The following PDZD2 variants were observed in gnomAD, a reference collection of about 807,000 sequenced individuals.
PDZD2 encodes the protein PDZ domain containing 2.
Under a neutral mutation model 220.7 loss-of-function variants are expected in PDZD2, and 90 were observed. The observed-to-expected ratio is 0.41, with a 90% CI of 0.34 to 0.49. The LOEUF (loss-of-function observed/expected upper bound fraction) is 0.49. PDZD2 is among the 20% of genes least tolerant of loss of function. The pLI, the probability that PDZD2 is intolerant of heterozygous loss-of-function variation, is 0.28. For missense variants in PDZD2, 3,174 were observed against 3,608.5 expected (o/e 0.88, Z 3.08); for synonymous variants, 1,375 against 1,450.5 (o/e 0.95, Z 1.18).
chr5:31,650,108 G>C (rs1745294879), intron 1 of PDZD2, among the ~76,000 whole-genome samples: 1 of 152,010 alleles, frequency 6.6e-6, no homozygotes, highest in Non-Finnish European at 1.5e-5. Flanking sequence ...TCTTCCCTCT[G>C]TTAATAATCT....
intron 2 of PDZD2, among the ~76,000 whole-genome samples, chr5:31,889,691 G>A (rs1003072551): frequency 1.3e-5 from 2 of 152,096 alleles, no homozygotes; most frequent in Admixed American, 6.6e-5. Flanking sequence ...GCCTTACTGT[G>A]TCCGAGTAAG....
At chr5:31,813,450 A>AG (rs2150246044) in intron 2 of PDZD2, among the ~76,000 whole-genome samples, 1 of 14,142 alleles carries the variant, frequency 7.1e-5, no homozygotes. Context: ...ACTCCGTCTC[A>AG]AAAAAAAAAA....
chr5:32,045,208 G>A (rs113694245), intron 7 of PDZD2, among the ~76,000 whole-genome samples: 105 of 152,280 alleles, frequency 6.9e-4, no homozygotes, highest in African/African-American at 2.4e-3. Flanking sequence ...AATTATTAAA[G>A]AGCTCCTGTA....
intron 2 of PDZD2, chr5:31,843,202 C>T (rs10472787): frequency 0.14 from 21,869 of 151,918 alleles, 1,878 homozygotes; most frequent in African/African-American, 0.25. Flanking sequence ...TTTTTAATGA[C>T]ATTCTTCATG....
At chr5:31,939,043 G>C (rs1746000291) in intron 2 of PDZD2, among the ~76,000 whole-genome samples, 1 of 152,208 alleles carries the variant, frequency 6.6e-6, no homozygotes, top group East Asian at 1.9e-4. Context: ...GATGTTGTCA[G>C]TAGAGAAGAA....
chr5:32,028,662 A>AAT (rs1554028483), intron 6 of PDZD2, among the ~76,000 whole-genome samples: 19 of 66,916 alleles, frequency 2.8e-4, no homozygotes, highest in Non-Finnish European at 2.1e-4. Flanking sequence ...TGCTCCTTCT[A>AAT]TTTTTTTTTT....
chr5:32,018,784 G>A lies in PDZD2; in HGVS notation c.1407+8302G>A, dbSNP rs189314536. ...AGCAACACTTCAGCTGGCACAGGACGTATAAAAGGTTGCTTGAAACTCAAT... is the reference window on the plus strand; with the variant it reads ...AGCAACACTTCAGCTGGCACAGGACATATAAAAGGTTGCTTGAAACTCAAT... On this transcript the variant is annotated intron_variant, in intron 6 of 24. Coordinates refer to ENST00000438447, the MANE Select transcript of PDZD2 (RefSeq NM_178140.4). 1.5e-3 allele frequency among the ~76,000 whole-genome samples: 224 copies of A among 152,344 alleles called. 1 individual carries two copies. Among genetic ancestry groups the A allele is most frequent in the African/African-American group, 5.2e-3 (216 of 41,586 alleles).
At chr5:31,750,917 G>A (rs1750922314) in intron 1 of PDZD2, among the ~76,000 whole-genome samples, 1 of 152,126 alleles carries the variant, frequency 6.6e-6, no homozygotes, top group African/African-American at 2.4e-5. Flanking sequence ...TTCATGCTAG[G>A]TATGAAGGGA....
intron 2 of PDZD2, among the ~76,000 whole-genome samples, chr5:31,920,834 C>T (rs959623715): frequency 5.9e-5 from 9 of 152,132 alleles, no homozygotes; most frequent in African/African-American, 9.7e-5. Context: ...ATAATTTTGC[C>T]GTTTCCAGAA....
intron 24 of PDZD2, among the ~76,000 whole-genome samples, chr5:32,107,092 C>T (rs960832144): frequency 2.6e-5 from 4 of 152,134 alleles, no homozygotes; most frequent in African/African-American, 7.2e-5. Flanking sequence ...ATTTTTTTCA[C>T]ACTTGGGACT....
chr5:32,071,244 C>G (rs990131734), intron 15 of PDZD2, 140 bp from the exon 16 acceptor site: 2 of 734,794 alleles, frequency 2.7e-6, no homozygotes, highest in Non-Finnish European at 5.0e-6. Flanking sequence ...GCACGTCTAA[C>G]CCTGTGCATG....
intron 3 of PDZD2, among the ~76,000 whole-genome samples, chr5:31,990,123 C>A (rs1051675783): frequency 6.6e-6 from 1 of 152,190 alleles, no homozygotes; most frequent in Non-Finnish European, 1.5e-5. Context: ...TTGCAACTAG[C>A]GCCGGAGTAT....
At chr5:31,720,442 T>C (rs1687458586) in intron 1 of PDZD2, among the ~76,000 whole-genome samples, 1 of 152,202 alleles carries the variant, frequency 6.6e-6, no homozygotes, top group African/African-American at 2.4e-5. Context: ...CATGATGATA[T>C]AGGGAAACTT....
At chr5:32,056,633 G>A (rs1561466232) in intron 10 of PDZD2, among the ~76,000 whole-genome samples, 3 of 152,238 alleles carry the variant, frequency 2.0e-5, no homozygotes, top group East Asian at 1.9e-4. Context: ...TGACTGTGCC[G>A]CCTTAGAGTT....
chr5:32,108,033 A>C lies in PDZD2; in HGVS notation c.8418A>C (p.Lys2806Asn). ...ATGAAATTCTTGCTATTAATGGGAA[A>C]CCTCTGGTTGGGCTCATGCACTTTG... ...AGDEILAINGKPLVGLMHFDA... is the reference protein window; with the variant it reads ...AGDEILAINGNPLVGLMHFDA... The change falls in exon 25 of 25, where the codon AAA (lysine) becomes AAC (asparagine). Residue 2806 changes from lysine to asparagine, a missense_variant. Lys to Asn is a moderately conservative substitution (Grantham distance 94, BLOSUM62 0). Around this residue, in one of 4 missense-constraint regions of PDZD2, gnomAD observed 631 missense variants for 789.9 expected, o/e 0.80. Transcript: ENST00000438447. 3 of 1,612,448 alleles carry C rather than the reference A, an allele frequency of 1.9e-6. No individual in the cohort carries two copies. The highest frequency in any genetic ancestry group is 2.5e-6 in the Non-Finnish European group (3 of 1,178,580).
At chr5:31,940,700 G>T (rs146183348) in intron 2 of PDZD2, among the ~76,000 whole-genome samples, 1 of 152,296 alleles carries the variant, frequency 6.6e-6, no homozygotes, top group African/African-American at 2.4e-5. Context: ...CAAATTAGAA[G>T]ATGGAAACCA....
chr5:31,769,207 T>C (rs11739450), intron 1 of PDZD2, among the ~76,000 whole-genome samples: 47,409 of 152,082 alleles, frequency 0.31, 8,368 homozygotes, highest in Non-Finnish European at 0.4. Flanking sequence ...ACTGACCAGA[T>C]AGCCCGAAGG....
chr5:32,023,720 G>T (rs1175911883), intron 6 of PDZD2, among the ~76,000 whole-genome samples: 5 of 152,072 alleles, frequency 3.3e-5, no homozygotes, highest in African/African-American at 1.2e-4. Flanking sequence ...TCTTCATAAC[G>T]ACTCTGGGTA....
chr5:32,088,877 A>G lies in PDZD2; in HGVS notation c.5429A>G (p.Gln1810Arg). Residue 1810 changes from glutamine to arginine, a missense_variant, in exon 20 of 25, where the codon CAA becomes CGA. Coordinates refer to ENST00000438447, the MANE Select transcript of PDZD2 (RefSeq NM_178140.4). The surrounding 1 kb of genome is among the most constrained non-coding windows in gnomAD (Gnocchi z 4.6). ...AWFKEINKHN[Q>R]GTHLRSKTEK... ...TTTAAAGAAATAAATAAACATAACC[A>G]AGGCACACATTTGAGGAGCAAAACC... 1.2e-6 allele frequency: 2 copies of G among 1,614,070 alleles called. No homozygotes were observed. Among genetic ancestry groups the G allele is most frequent in the Non-Finnish European group, 8.5e-7 (1 of 1,180,004 alleles).
Sources: allele counts gnomAD v4.1 joint callset (sites outside exome capture counted in the v4.1 genomes callset), GRCh38; gene constraint gnomAD v4.1.1; regional missense constraint gnomAD v4.1.1; non-coding constraint Gnocchi (gnomAD v3.1); transcripts MANE v1.5; gene names NCBI Gene and HGNC (gene_info 2026-07-23, HGNC 2026-07-21).